The following SCN3A variants were observed in gnomAD, a reference collection of about 807,000 sequenced individuals.
The protein encoded by SCN3A is sodium voltage-gated channel alpha subunit 3, also known as sodium channel protein type 3 subunit alpha.
In SCN3A, 60 loss-of-function variants were observed where a neutral mutation model predicts 187.6. That is an observed-to-expected ratio of 0.32 (90% CI 0.26 to 0.40). The LOEUF is 0.40. Among genes scored for constraint, SCN3A ranks in the 10% least tolerant of loss-of-function variants. The pLI is 1.00. For missense variants in SCN3A, 1,601 were observed against 2,428.2 expected (o/e 0.66, Z 7.16); for synonymous variants, 788 against 829.2 (o/e 0.95, Z 0.85).
chr2:165,100,356 C>T lies in SCN3A; in HGVS notation c.3912G>A (p.Arg1304=), dbSNP rs368428315. Residue 1304 remains arginine, a synonymous_variant, in exon 22 of 28, where the codon CGG becomes CGA. Transcript: ENST00000283254. ...TTAGAGGTCTTAAAGCTCTTAATGT[C>T]CGTAATGATTTGATGGCACCGAGTT... ...YSELGAIKSL[R]TLRALRPLRA... 5 of 1,613,678 alleles carry T rather than the reference C, an allele frequency of 3.1e-6. No homozygotes were observed. The highest frequency in any genetic ancestry group is 4.2e-6 in the Non-Finnish European group (5 of 1,179,862).
Position 165,114,324 on chromosome 2 carries a change from A to G in SCN3A, c.3515-354T>C, listed in dbSNP as rs189447174. ...AACTACATGTTCGATTTGTTTATTC[A>G]TATTTTGATGTGATCCTGGGTTTTT... On this transcript the variant is annotated intron_variant, in intron 19 of 27. Coordinates refer to ENST00000283254, the MANE Select transcript of SCN3A (RefSeq NM_006922.4). 1.0e-3 allele frequency among the ~76,000 whole-genome samples: 155 copies of G among 152,326 alleles called. 1 individual carries two copies. The highest frequency in any genetic ancestry group is 3.7e-3 in the African/African-American group (153 of 41,580).
chr2:165,146,636 C>G, intron 12 of SCN3A, 103 bp downstream of exon 12: 1 of 1,208,362 alleles, frequency 8.3e-7, no homozygotes, highest in East Asian at 2.4e-5. Flanking sequence ...TTCCCTGTCC[C>G]TCACTGAAGT....
intron 26 of SCN3A, 184 bp downstream of exon 26, chr2:165,094,190 T>G (rs1379438221): frequency 1.6e-6 from 1 of 633,198 alleles, no homozygotes; most frequent in African/African-American, 1.8e-5. Context: ...CATTACCTCC[T>G]TTTTTTGGAA....
chr2:165,145,300 A>T (rs4531944), intron 12 of SCN3A, among the ~76,000 whole-genome samples: 32,316 of 151,926 alleles, frequency 0.21, 3,430 homozygotes, highest in East Asian at 0.31. Context: ...CAAAATATCA[A>T]AGGTGACTGT....
intron 21 of SCN3A, 98 bp downstream of exon 21, chr2:165,112,787 A>G (rs1324463733): frequency 4.8e-6 from 5 of 1,048,374 alleles, no homozygotes; most frequent in Admixed American, 1.9e-5. Context: ...CTGCATAATT[A>G]TGTCATTATT....
chr2:165,093,120 A>G (rs943922224), intron 26 of SCN3A: 1 of 152,300 alleles, frequency 6.6e-6, no homozygotes. Context: ...TCTTTGCTTG[A>G]TTTGAATAAG....
At chr2:165,113,208 A>C (rs751685539) in intron 20 of SCN3A, 150 bp from the exon 21 acceptor site, 2 of 663,312 alleles carry the variant, frequency 3.0e-6, no homozygotes, top group East Asian at 2.7e-5. Flanking sequence ...TCTAAAGACT[A>C]AACTAAGTGT....
intron 2 of SCN3A, among the ~76,000 whole-genome samples, chr2:165,180,768 G>T (rs1690796845): frequency 6.6e-6 from 1 of 152,128 alleles, no homozygotes; most frequent in African/African-American, 2.4e-5. Context: ...CATGGATGGG[G>T]AGTGTTATGA....
intron 7 of SCN3A, among the ~76,000 whole-genome samples, chr2:165,163,043 C>G (rs1285295172): frequency 1.3e-5 from 2 of 152,208 alleles, no homozygotes; most frequent in African/African-American, 4.8e-5. Context: ...GTTTAAATAT[C>G]TAGTCAGGAA....
intron 10 of SCN3A, among the ~76,000 whole-genome samples, chr2:165,155,471 C>T (rs1439944650): frequency 3.3e-5 from 5 of 151,868 alleles, no homozygotes; most frequent in African/African-American, 1.2e-4. Context: ...ATGATCTCGA[C>T]TCACTGCAAC....
Position 165,170,501 on chromosome 2 carries a change from G to A in SCN3A, c.312C>T (p.Ala104=), listed in dbSNP as rs760489599. The part of the protein sequence containing the change: ...NKGKAIFRFS[A]TSALYILTPL... Reference sequence around the variant, plus strand: ...GAGTTAAAATATACAAGGCAGAGGTGGCACTGAATCGGAAAATTGCCTTTC... The same window carrying A: ...GAGTTAAAATATACAAGGCAGAGGTAGCACTGAATCGGAAAATTGCCTTTC... Residue 104 remains alanine (A), a synonymous_variant, in exon 4 of 28, where the codon GCC becomes GCT. Coordinates refer to ENST00000283254, the MANE Select transcript of SCN3A (RefSeq NM_006922.4). The A allele has an allele frequency of 6.2e-7, 1 of 1,611,478 alleles. No homozygotes were observed. Among genetic ancestry groups the A allele is most frequent in the Non-Finnish European group, 8.5e-7 (1 of 1,178,278 alleles).
At position 165,139,728 on chromosome 2, in the gene SCN3A, TA is replaced by T. The variant is rs961021856; in HGVS notation, c.2020-121del. The T allele has an allele frequency of 8.8e-6, 11 of 1,255,618 alleles. No homozygotes were observed. The African/African-American group carries it at 1.6e-4, about 19-fold the overall frequency. The allele number at this position is 1,255,618 out of a possible 1,614,324, so 77.8% of individuals were successfully genotyped here. A position where few individuals can be genotyped will look rare whatever the true frequency, so the allele number is the denominator to read the frequency against. On this transcript the variant is annotated intron_variant, in intron 13 of 27. Transcript: ENST00000283254. Reference sequence around the variant, plus strand: ...TTTCCAGGTAAGAATTTTCAAGGAATAAAATATTGAATTATTGCTAAGTTAT... The same window carrying T: ...TTTCCAGGTAAGAATTTTCAAGGAATAAATATTGAATTATTGCTAAGTTAT...
At position 165,164,409 on chromosome 2, in the gene SCN3A, G is replaced by A. The variant is rs1324453645; in HGVS notation, c.585C>T (p.Phe195=). ...TTACTCACGCCATCACAATGACACTGAAATCCAGCCAGTTCCATGGATCAC... is the reference window on the plus strand; with the variant it reads ...TTACTCACGCCATCACAATGACACTAAAATCCAGCCAGTTCCATGGATCAC... ...FLRDPWNWLD[F]SVIVMAYVTE... is the part of the protein sequence containing the mutation. The change falls in exon 6 of 28, where the codon TTC becomes TTT. Residue 195 remains phenylalanine, a synonymous_variant. Transcript: ENST00000283254. 4 of 1,613,760 alleles carry A rather than the reference G, an allele frequency of 2.5e-6. No homozygotes were observed. The highest frequency in any genetic ancestry group is 3.4e-6 in the Non-Finnish European group (4 of 1,179,796).
chr2:165,182,087 G>A (rs1690912303), intron 2 of SCN3A, among the ~76,000 whole-genome samples: 1 of 152,192 alleles, frequency 6.6e-6, no homozygotes, highest in Admixed American at 6.5e-5. Flanking sequence ...ATCAGTGCAA[G>A]TGCCAAAACA....
intron 15 of SCN3A, 40 bp from the exon 16 acceptor site, chr2:165,131,457 A>G (rs1385044663): frequency 1.4e-6 from 2 of 1,436,952 alleles, no homozygotes; most frequent in Admixed American, 3.6e-5. Context: ...GAGCACTGAA[A>G]AACACTGATG....
Position 165,140,470 on chromosome 2 carries a change from T to C in SCN3A, c.2019+181A>G, listed in dbSNP as rs1180446505. 6.6e-6 allele frequency among the ~76,000 whole-genome samples: 1 copy of C among 152,134 alleles called. No individual in the cohort carries two copies. The highest frequency in any genetic ancestry group is 1.9e-4 in the East Asian group (1 of 5,190). On this transcript the variant is annotated intron_variant, in intron 13 of 27. Transcript: ENST00000283254. This position sits in a 1 kb window ranked among gnomAD's most constrained non-coding sequence, Gnocchi z 4.2. ...GTAATTCCCATACAACAAAAGCTAA[T>C]GGTCCCATACAATTCAATTGATTCT...
intron 18 of SCN3A, among the ~76,000 whole-genome samples, chr2:165,122,305 A>C (rs1686730368): frequency 6.9e-6 from 1 of 144,372 alleles, no homozygotes; most frequent in Non-Finnish European, 1.5e-5. Context: ...TCTGGAGCAC[A>C]TGAATTGGAT....
At chr2:165,186,811 T>C (rs1691270955) in intron 1 of SCN3A, 64 bp from the exon 2 acceptor site, 1 of 152,126 alleles carries the variant, frequency 6.6e-6, no homozygotes, top group African/African-American at 2.4e-5. Flanking sequence ...AGGGGTGCTC[T>C]GGCTCTGTGT....
Position 165,152,251 on chromosome 2 carries a change from A to T in SCN3A, c.1380+2201T>A, listed in dbSNP as rs369233703. 9.8e-5 allele frequency among the ~76,000 whole-genome samples: 15 copies of T among 152,318 alleles called. 2 individuals carry two copies. Among genetic ancestry groups the T allele is most frequent in the Admixed American group, 7.2e-4 (11 of 15,296 alleles). ...GTGACACAGATGTTCAAATTAGCAG[A>T]CAGGGAACTTAAACAGTTGTTATAA... On this transcript the variant is annotated intron_variant, in intron 11 of 27. Transcript: ENST00000283254.
Sources: gnomAD v4.1 joint callset for allele counts (sites outside exome capture counted in the v4.1 genomes callset) on GRCh38, gnomAD v4.1.1 for gene constraint, Gnocchi (gnomAD v3.1) non-coding constraint, MANE v1.5 for transcripts, NCBI Gene and HGNC (gene_info 2026-07-23, HGNC 2026-07-21) for gene names.